Variants in KCNJ6 observed in about 807,000 individuals in gnomAD.
The protein encoded by KCNJ6 is G protein-activated inward rectifier potassium channel 2.
A neutral mutation model predicts 34.2 loss-of-function variants in KCNJ6; 9 were observed. The ratio of observed to expected loss-of-function variants is 0.26; its 90% CI spans 0.16 to 0.46. The LOEUF (loss-of-function observed/expected upper bound fraction) is 0.46. Ranked by LOEUF, KCNJ6 falls within the 20% of genes least tolerant of loss-of-function variation. KCNJ6 has a pLI of 1.00. For missense variants in KCNJ6, 236 were observed against 531.3 expected (o/e 0.44, Z 5.46); for synonymous variants, 196 against 207.1 (o/e 0.95, Z 0.46).
chr21:37,886,392 T>C (rs1330083681), intron 1 of KCNJ6, among the ~76,000 whole-genome samples: 1 of 152,188 alleles, frequency 6.6e-6, no homozygotes, highest in African/African-American at 2.4e-5. Flanking sequence ...CTTGCTGCCA[T>C]GGACCAGTAG....
intron 3 of KCNJ6, among the ~76,000 whole-genome samples, chr21:37,673,640 A>G (rs976336731): frequency 6.6e-6 from 1 of 152,234 alleles, no homozygotes; most frequent in African/African-American, 2.4e-5. Flanking sequence ...AGAAATGAGG[A>G]CACAGGCACT....
intron 1 of KCNJ6, among the ~76,000 whole-genome samples, chr21:37,872,001 G>A (rs567018671): frequency 1.3e-5 from 2 of 152,262 alleles, no homozygotes; most frequent in African/African-American, 4.8e-5. Context: ...AATTTCCCAG[G>A]AAAATACAGT....
Position 37,623,382 on chromosome 21 carries a change from C to T in KCNJ6, c.*1777G>A, listed in dbSNP as rs2054296648. 6.6e-6 allele frequency: 1 copy of T among 152,200 alleles called. No individual in the cohort carries two copies. Among genetic ancestry groups the T allele is most frequent in the South Asian group, 2.1e-4 (1 of 4,834 alleles). The allele number at this position is 152,200 out of a possible 1,614,324, so 9.4% of individuals were successfully genotyped here. ...TCTCTTTGACCTCCATGGTGCAGAG[C>T]CTCAAACTGAGCACAGCTGTAGGAG... On this transcript the variant is annotated 3_prime_UTR_variant, in exon 4 of 4. Transcript: ENST00000609713.
chr21:37,797,248 G>C (rs532638448), intron 2 of KCNJ6, among the ~76,000 whole-genome samples: 1 of 151,700 alleles, frequency 6.6e-6, no homozygotes, highest in Non-Finnish European at 1.5e-5. Flanking sequence ...ATGGGGTTTT[G>C]CCATGTTGGT....
chr21:37,881,408 T>C (rs549598096), intron 1 of KCNJ6, among the ~76,000 whole-genome samples: 1 of 152,206 alleles, frequency 6.6e-6, no homozygotes, highest in East Asian at 1.9e-4. Flanking sequence ...AAGGGCTCCT[T>C]TCCTAGCCTA....
intron 2 of KCNJ6, among the ~76,000 whole-genome samples, chr21:37,831,986 C>T (rs2055428356): frequency 6.6e-6 from 1 of 152,018 alleles, no homozygotes; most frequent in Non-Finnish European, 1.5e-5. Flanking sequence ...GGATGGAGTC[C>T]CTGTGGGACT....
At chr21:37,804,512 T>C (rs1310078803) in intron 2 of KCNJ6, among the ~76,000 whole-genome samples, 1 of 152,156 alleles carries the variant, frequency 6.6e-6, no homozygotes, top group African/African-American at 2.4e-5. Flanking sequence ...TACAGATTAT[T>C]TCATCACTCA....
chr21:37,835,261 C>T (rs1266600426), intron 2 of KCNJ6, among the ~76,000 whole-genome samples: 1 of 152,144 alleles, frequency 6.6e-6, no homozygotes, highest in African/African-American at 2.4e-5. Flanking sequence ...TTCAGCTTGC[C>T]AGCAGAACCC....
intron 2 of KCNJ6, among the ~76,000 whole-genome samples, chr21:37,742,321 T>C (rs1187751190): frequency 1.3e-5 from 2 of 152,212 alleles, no homozygotes; most frequent in Non-Finnish European, 2.9e-5. Context: ...AGAAAAGCAG[T>C]TGGTTTCCTG....
intron 3 of KCNJ6, among the ~76,000 whole-genome samples, chr21:37,691,040 T>TA (rs890035582): frequency 6.6e-6 from 1 of 152,118 alleles, no homozygotes; most frequent in Non-Finnish European, 1.5e-5. Flanking sequence ...CTCAGCCTCC[T>TA]AAAGTGCTGG....
At chr21:37,793,771 G>A (rs2055228491) in intron 2 of KCNJ6, among the ~76,000 whole-genome samples, 1 of 152,130 alleles carries the variant, frequency 6.6e-6, no homozygotes, top group African/African-American at 2.4e-5. Context: ...AGGCTAGTCT[G>A]ATTTCAGAGC....
At chr21:37,850,762 T>G (rs551291258) in intron 1 of KCNJ6, among the ~76,000 whole-genome samples, 2 of 152,162 alleles carry the variant, frequency 1.3e-5, no homozygotes, top group Non-Finnish European at 2.9e-5. Context: ...TGCAATGTTG[T>G]ATTACGGAGC....
intron 3 of KCNJ6, among the ~76,000 whole-genome samples, chr21:37,656,803 G>A (rs1409386452): frequency 1.3e-5 from 2 of 152,190 alleles, no homozygotes; most frequent in Non-Finnish European, 2.9e-5. Context: ...CTTCTCTGGG[G>A]AGGGGAGGCT....
At chr21:37,869,099 C>T (rs1026333278) in intron 1 of KCNJ6, among the ~76,000 whole-genome samples, 1 of 152,182 alleles carries the variant, frequency 6.6e-6, no homozygotes, top group Non-Finnish European at 1.5e-5. Flanking sequence ...TAGGGATGAT[C>T]GAAGCAGGCT....
chr21:37,888,647 C>T (rs2055747255), intron 1 of KCNJ6, among the ~76,000 whole-genome samples: 1 of 152,224 alleles, frequency 6.6e-6, no homozygotes, highest in Non-Finnish European at 1.5e-5. Flanking sequence ...CATGCCCAGC[C>T]ATCTCCGTGA....
intron 1 of KCNJ6, among the ~76,000 whole-genome samples, chr21:37,865,329 G>A (rs2055617311): frequency 6.6e-6 from 1 of 152,186 alleles, no homozygotes; most frequent in Non-Finnish European, 1.5e-5. Context: ...AAAAAGTGGA[G>A]GAGGCCTTAT....
chr21:37,715,171 G>C (rs1257386842), intron 2 of KCNJ6, 40 bp from the exon 3 acceptor site: 1 of 1,543,504 alleles, frequency 6.5e-7, no homozygotes, highest in East Asian at 2.3e-5. Context: ...CTGAATGAAA[G>C]GCTGGCTCTT....
intron 1 of KCNJ6, among the ~76,000 whole-genome samples, chr21:37,863,762 C>A (rs1220168380): frequency 1.0e-4 from 15 of 148,856 alleles, no homozygotes; most frequent in African/African-American, 3.7e-4. Flanking sequence ...ACTGCTGTAA[C>A]TCTTGTAAGA....
rs373348729 is a variant in KCNJ6 at position 37,811,977 on chromosome 21, G to T, written c.25+28681C>A. ...AGATAAGTTGCAACACTGCCAGTTGGGCAAGATGATTAAATGGCAGAAATA... is the reference window on the plus strand; with the variant it reads ...AGATAAGTTGCAACACTGCCAGTTGTGCAAGATGATTAAATGGCAGAAATA... On this transcript the variant is annotated intron_variant, in intron 2 of 3. Transcript: ENST00000609713. Among the ~76,000 whole-genome samples the T allele has an allele frequency of 6.2e-4, 94 of 152,242 alleles. 1 individual carries two copies. The highest frequency in any genetic ancestry group is 2.2e-3 in the African/African-American group (90 of 41,528).
Sources: gnomAD v4.1 joint callset for allele counts (sites outside exome capture counted in the v4.1 genomes callset) on GRCh38, gnomAD v4.1.1 for gene constraint, MANE v1.5 for transcripts, NCBI Gene and HGNC (gene_info 2026-07-23, HGNC 2026-07-21) for gene names.